RANBP2: variants seen among roughly 807,000 people sequenced by gnomAD.
RANBP2 encodes the protein E3 SUMO-protein ligase RanBP2.
In RANBP2, 57 loss-of-function variants were observed where a neutral mutation model predicts 303.6. That is an observed-to-expected ratio of 0.19 (90% CI 0.15 to 0.23). The LOEUF (loss-of-function observed/expected upper bound fraction) is 0.23. Ranked by LOEUF, RANBP2 falls within the 10% of genes least tolerant of loss-of-function variation. RANBP2 has a pLI of 1.00. For synonymous variants in RANBP2, 1,167 were observed against 1,301.5 expected, an observed-to-expected ratio of 0.90 and a Z score of 2.23; for missense variants, 3,138 against 3,780.8, an observed-to-expected ratio of 0.83 and a Z score of 4.46.
chr2:109,061,222 G>C, the RANBP2 span, among the ~76,000 whole-genome samples: 1 of 152,112 alleles, frequency 6.6e-6, no homozygotes, highest in Admixed American at 6.5e-5. Context: ...TGGTGAGAGT[G>C]TGTGTACTTA....
At chr2:109,129,392 C>A in the RANBP2 span, 2 of 1,350,490 alleles carry the variant, frequency 1.5e-6, no homozygotes, top group South Asian at 2.6e-5. Context: ...CTTCGCACCG[C>A]CACAGCCCTA....
the RANBP2 span, among the ~76,000 whole-genome samples, chr2:109,375,961 C>T: frequency 1.3e-5 from 2 of 152,234 alleles, no homozygotes; most frequent in African/African-American, 4.8e-5. Flanking sequence ...GTGGTCACCC[C>T]CTTTACCTTC....
At chr2:108,973,112 C>T in the RANBP2 span, among the ~76,000 whole-genome samples, 1 of 152,154 alleles carries the variant, frequency 6.6e-6, no homozygotes, top group African/African-American at 2.4e-5. Context: ...TCAGCCTCCC[C>T]ATTAGCTGGG....
chr2:109,526,820 C>T, the RANBP2 span, among the ~76,000 whole-genome samples: 1 of 152,174 alleles, frequency 6.6e-6, no homozygotes, highest in Admixed American at 6.5e-5. Flanking sequence ...TCCTATTCAA[C>T]CCTCTGGTGG....
chr2:108,730,680 T>A (rs1478944770), intron 2 of RANBP2, 94 bp from the exon 3 acceptor site: 6 of 1,454,546 alleles, frequency 4.1e-6, no homozygotes, highest in Non-Finnish European at 5.7e-6. Context: ...TAAACGAGTT[T>A]AGTGGTTGCT....
the RANBP2 span, among the ~76,000 whole-genome samples, chr2:109,225,308 C>T: frequency 6.6e-6 from 1 of 152,242 alleles, no homozygotes; most frequent in Admixed American, 6.5e-5. Flanking sequence ...AACCATTGTA[C>T]TCAGCTGGGT....
At chr2:109,421,999 G>A in the RANBP2 span, among the ~76,000 whole-genome samples, 1 of 152,212 alleles carries the variant, frequency 6.6e-6, no homozygotes, top group Non-Finnish European at 1.5e-5. Flanking sequence ...ATCAGTTTAT[G>A]AGGAAGGGGA....
chr2:109,638,032 G>A, the RANBP2 span, among the ~76,000 whole-genome samples: 1 of 152,190 alleles, frequency 6.6e-6, no homozygotes, highest in Non-Finnish European at 1.5e-5. Context: ...TTCTGTGATT[G>A]TGTAAGAGGA....
chr2:108,870,319 A>C, the RANBP2 span, among the ~76,000 whole-genome samples: 1 of 152,220 alleles, frequency 6.6e-6, no homozygotes, highest in Admixed American at 6.5e-5. Flanking sequence ...TCCGAGGAAC[A>C]AAATCAAAGA....
the RANBP2 span, among the ~76,000 whole-genome samples, chr2:109,471,206 C>CAAAAAAAAAAAAAAA: frequency 2.5e-5 from 1 of 40,144 alleles, no homozygotes; most frequent in Non-Finnish European, 6.5e-5. Context: ...GACTCTGTCT[C>CAAAAAAAAAAAAAAA]AAAAAAAAAA....
At chr2:108,819,447 A>G in the RANBP2 span, among the ~76,000 whole-genome samples, 4 of 152,188 alleles carry the variant, frequency 2.6e-5, no homozygotes, top group African/African-American at 4.8e-5. Flanking sequence ...AGGGAATGGT[A>G]GCATAGTTTG....
At chr2:109,564,255 C>T in the RANBP2 span, 1 of 978,182 alleles carries the variant, frequency 1.0e-6, no homozygotes, top group Non-Finnish European at 1.4e-6. Flanking sequence ...GATTCTATAT[C>T]ATGGTTTTGG....
chr2:109,438,924 A>G, the RANBP2 span, among the ~76,000 whole-genome samples: 2 of 152,180 alleles, frequency 1.3e-5, no homozygotes, highest in East Asian at 3.9e-4. Context: ...GGTGTTCTGT[A>G]CAAATGTTTC....
the RANBP2 span, among the ~76,000 whole-genome samples, chr2:108,949,674 G>A: frequency 2.6e-5 from 4 of 152,176 alleles, no homozygotes; most frequent in African/African-American, 9.7e-5. Context: ...TGGGGCTGCA[G>A]GAACTAATCA....
the RANBP2 span, among the ~76,000 whole-genome samples, chr2:109,185,387 T>G: frequency 6.6e-6 from 1 of 152,218 alleles, no homozygotes; most frequent in East Asian, 1.9e-4. Flanking sequence ...CAGCTGTGCT[T>G]TTTATCACAG....
the RANBP2 span, among the ~76,000 whole-genome samples, chr2:109,326,837 C>T: frequency 1.3e-5 from 2 of 152,144 alleles, no homozygotes; most frequent in African/African-American, 2.4e-5. Context: ...GGAGAGTATC[C>T]GTAGGTGCGC....
the RANBP2 span, among the ~76,000 whole-genome samples, chr2:109,559,283 A>T: frequency 1.3e-5 from 2 of 152,220 alleles, no homozygotes; most frequent in East Asian, 3.9e-4. Flanking sequence ...ATCACATATG[A>T]CAAAGAACCA....
the RANBP2 span, among the ~76,000 whole-genome samples, chr2:109,510,860 C>T: frequency 1.5e-3 from 222 of 152,304 alleles, no homozygotes; most frequent in African/African-American, 4.4e-3. Flanking sequence ...AAAGGTGGGA[C>T]GGGTGGCCGG....
the RANBP2 span, among the ~76,000 whole-genome samples, chr2:109,205,267 T>TTTTTTTTTTTTTA: frequency 1.6e-3 from 248 of 151,876 alleles, 1 homozygote; most frequent in Middle Eastern, 0.014. Flanking sequence ...GTGACTTTTT[T>TTTTTTTTTTTTTA]TTTTTTTTTT....
Sources: allele counts gnomAD v4.1 joint callset (sites outside exome capture counted in the v4.1 genomes callset), GRCh38; gene constraint gnomAD v4.1.1; transcripts MANE v1.5; gene names NCBI Gene and HGNC (gene_info 2026-07-23, HGNC 2026-07-21).